Variants in ZFHX3 observed in about 807,000 individuals in gnomAD.
ZFHX3 encodes the protein zinc finger homeobox 3.
A neutral mutation model predicts 279.1 loss-of-function variants in ZFHX3; 42 were observed. The observed-to-expected ratio is 0.15, with a 90% confidence interval of 0.12 to 0.19. The LOEUF (loss-of-function observed/expected upper bound fraction) is 0.19. Among genes scored for constraint, ZFHX3 ranks in the 10% least tolerant of loss-of-function variants. ZFHX3 has a pLI of 1.00. For synonymous variants in ZFHX3, 2,293 were observed against 1,957.8 expected, an observed-to-expected ratio of 1.17 and a Z score of -4.52; for missense variants, 4,981 against 4,754.0, an observed-to-expected ratio of 1.05 and a Z score of -1.40.
intron 8 of ZFHX3, chr16:73,092,473 T>TG (rs1183643586): frequency 6.4e-6 from 1 of 156,592 alleles, no homozygotes; most frequent in African/African-American, 2.4e-5. Context: ...GAGACAACTG[T>TG]GGGGAGAGCA....
chr16:73,071,212 A>C (rs969285731), intron 8 of ZFHX3, among the ~76,000 whole-genome samples: 1 of 150,802 alleles, frequency 6.6e-6, no homozygotes, highest in Non-Finnish European at 1.5e-5. Flanking sequence ...TGCGGAGTCC[A>C]GCCATTCAAT....
chr16:73,286,690 T>C (rs969253931), intron 4 of ZFHX3, among the ~76,000 whole-genome samples: 3 of 150,500 alleles, frequency 2.0e-5, no homozygotes, highest in Non-Finnish European at 4.4e-5. Context: ...GGTTGGTGTG[T>C]GAGTGTGAGT....
intron 3 of ZFHX3, among the ~76,000 whole-genome samples, chr16:73,395,430 C>T (rs1312247010): frequency 6.6e-6 from 1 of 152,080 alleles, no homozygotes; most frequent in East Asian, 1.9e-4. Context: ...CACCACTGCA[C>T]TCTAGCCTGG....
chr16:72,922,828 C>T (rs2039616048), intron 3 of ZFHX3, among the ~76,000 whole-genome samples: 1 of 152,116 alleles, frequency 6.6e-6, no homozygotes, highest in South Asian at 2.1e-4. Context: ...CACTTTACAG[C>T]TGACGTTACA....
intron 3 of ZFHX3, among the ~76,000 whole-genome samples, chr16:72,948,892 A>G (rs79877315): frequency 0.024 from 3,672 of 152,238 alleles, 90 homozygotes; most frequent in South Asian, 0.064. Flanking sequence ...AACTGACTGC[A>G]AAGGGCTTTT....
At chr16:73,728,812 TACACAC>T (rs3049676) in intron 1 of ZFHX3, among the ~76,000 whole-genome samples, 5,868 of 145,750 alleles carry the variant, frequency 0.04, 97 homozygotes, top group Middle Eastern at 0.053. Flanking sequence ...AATAACCCCC[TACACAC>T]ACACACACAC....
chr16:73,312,429 A>C (rs1349556977), intron 4 of ZFHX3, among the ~76,000 whole-genome samples: 1 of 152,178 alleles, frequency 6.6e-6, no homozygotes, highest in Non-Finnish European at 1.5e-5. Context: ...AGTTGTCCAA[A>C]AATAGAGTGG....
chr16:73,634,500 A>T (rs2052510723), intron 2 of ZFHX3, among the ~76,000 whole-genome samples: 1 of 149,138 alleles, frequency 6.7e-6, no homozygotes, highest in Non-Finnish European at 1.5e-5. Flanking sequence ...ATTAACACTC[A>T]TTGTTGGCCT....
chr16:73,509,391 A>T (rs1170320778), intron 2 of ZFHX3, among the ~76,000 whole-genome samples: 1 of 151,006 alleles, frequency 6.6e-6, no homozygotes, highest in Non-Finnish European at 1.5e-5. Flanking sequence ...AGGCCCTTCG[A>T]TGTCTCCTGG....
chr16:72,940,361 G>C (rs995659000), intron 3 of ZFHX3, among the ~76,000 whole-genome samples: 2 of 152,198 alleles, frequency 1.3e-5, no homozygotes, highest in Non-Finnish European at 2.9e-5. Flanking sequence ...AAGCTGCACA[G>C]GGAAATCTGG....
At chr16:73,837,604 T>C (rs1050946851) in intron 1 of ZFHX3, among the ~76,000 whole-genome samples, 1 of 151,698 alleles carries the variant, frequency 6.6e-6, no homozygotes, top group Non-Finnish European at 1.5e-5. Flanking sequence ...TATATTTCTA[T>C]TTCCACATTG....
chr16:73,174,139 T>C (rs1480833450), intron 5 of ZFHX3, among the ~76,000 whole-genome samples: 1 of 152,080 alleles, frequency 6.6e-6, no homozygotes, highest in Non-Finnish European at 1.5e-5. Flanking sequence ...TTCCTTAACT[T>C]CAGTTTCTGG....
At chr16:73,134,985 C>A (rs1966763974) in intron 6 of ZFHX3, among the ~76,000 whole-genome samples, 1 of 152,004 alleles carries the variant, frequency 6.6e-6, no homozygotes, top group Non-Finnish European at 1.5e-5. Flanking sequence ...GTTGATTGAA[C>A]AAAAATGTAT....
At chr16:73,482,972 G>T (rs899478886) in intron 2 of ZFHX3, among the ~76,000 whole-genome samples, 3 of 152,200 alleles carry the variant, frequency 2.0e-5, no homozygotes, top group Non-Finnish European at 4.4e-5. Context: ...ATTAACTACC[G>T]CAAGACACAA....
At chr16:72,852,352 G>A (rs2037638568) in intron 4 of ZFHX3, among the ~76,000 whole-genome samples, 1 of 152,190 alleles carries the variant, frequency 6.6e-6, no homozygotes, top group Admixed American at 6.5e-5. Context: ...ACAAACCACC[G>A]CTCTATCTGA....
chr16:72,803,609 A>G (rs1423412358), intron 7 of ZFHX3, among the ~76,000 whole-genome samples: 2 of 152,152 alleles, frequency 1.3e-5, no homozygotes, highest in Non-Finnish European at 2.9e-5. Flanking sequence ...TGGACTCAAG[A>G]GCCAAACGAA....
At chr16:72,990,486 T>C (rs1295073907) in intron 1 of ZFHX3, among the ~76,000 whole-genome samples, 1 of 152,158 alleles carries the variant, frequency 6.6e-6, no homozygotes. Context: ...AGTCCAGGCC[T>C]GTCCCAGCCA....
intron 5 of ZFHX3, among the ~76,000 whole-genome samples, chr16:73,157,769 G>T (rs1168192171): frequency 6.6e-6 from 1 of 152,178 alleles, no homozygotes; most frequent in Non-Finnish European, 1.5e-5. Context: ...TATTTAGTTA[G>T]TTGGCTTTTT....
chr16:72,922,881 C>T (rs2039617221), intron 3 of ZFHX3, among the ~76,000 whole-genome samples: 1 of 152,096 alleles, frequency 6.6e-6, no homozygotes, highest in Non-Finnish European at 1.5e-5. Context: ...ACAGAGCAGA[C>T]TCTCCCCAGC....
Sources: allele counts gnomAD v4.1 joint callset (sites outside exome capture counted in the v4.1 genomes callset), GRCh38; gene constraint gnomAD v4.1.1; transcripts MANE v1.5; gene names NCBI Gene and HGNC (gene_info 2026-07-23, HGNC 2026-07-21).